CNBD1: variants seen among roughly 807,000 people sequenced by gnomAD.
The protein encoded by CNBD1 is cyclic nucleotide binding domain containing 1, also known as cyclic nucleotide-binding domain-containing protein 1.
CNBD1 carries 71 observed loss-of-function variants against 54.4 expected under a neutral mutation model. The observed-to-expected ratio is 1.30, with a 90% CI of 1.08 to 1.59. The LOEUF (loss-of-function observed/expected upper bound fraction) is 1.59, where lower values mean the gene tolerates loss of function less well. CNBD1 is among the 40% of genes most tolerant of loss of function. The pLI is 0.00. For synonymous variants in CNBD1, 182 were observed against 170.7 expected, an observed-to-expected ratio of 1.07 and a Z score of -0.51; for missense variants, 659 against 518.0, an observed-to-expected ratio of 1.27 and a Z score of -2.64.
chr8:86,875,369 C>T (rs147922371), intron 1 of CNBD1, among the ~76,000 whole-genome samples: 395 of 152,214 alleles, frequency 2.6e-3, no homozygotes, highest in African/African-American at 8.7e-3. Flanking sequence ...TTCACCCTAC[C>T]TACTCCTGGT....
At chr8:87,126,935 T>C (rs1214819715) in intron 4 of CNBD1, among the ~76,000 whole-genome samples, 1 of 151,796 alleles carries the variant, frequency 6.6e-6, no homozygotes, top group East Asian at 2.0e-4. Flanking sequence ...TTGTAGAAAA[T>C]TTGTTCATAA....
At chr8:87,119,494 T>A (rs1311038656) in intron 4 of CNBD1, among the ~76,000 whole-genome samples, 1 of 152,070 alleles carries the variant, frequency 6.6e-6, no homozygotes. Flanking sequence ...AGTCTTTGGA[T>A]TTTTGTAGAT....
intron 4 of CNBD1, among the ~76,000 whole-genome samples, chr8:87,076,901 A>G (rs975183471): frequency 6.6e-6 from 1 of 152,246 alleles, no homozygotes; most frequent in Non-Finnish European, 1.5e-5. Context: ...GACTTATCCA[A>G]GACTGTCTTG....
intron 8 of CNBD1, among the ~76,000 whole-genome samples, chr8:87,328,553 C>T (rs1809743101): frequency 6.6e-6 from 1 of 151,590 alleles, no homozygotes; most frequent in African/African-American, 2.4e-5. Context: ...ATGAGGACTT[C>T]TTCTTTTTTA....
chr8:87,137,337 C>T (rs987647897), intron 4 of CNBD1, among the ~76,000 whole-genome samples: 2 of 151,064 alleles, frequency 1.3e-5, no homozygotes, highest in Non-Finnish European at 1.5e-5. Flanking sequence ...GCTGGGACTA[C>T]AGGCGCCAGC....
chr8:87,175,491 C>A (rs186720810), intron 4 of CNBD1, among the ~76,000 whole-genome samples: 8 of 152,162 alleles, frequency 5.3e-5, no homozygotes, highest in Non-Finnish European at 1.2e-4. Context: ...TCACTCCCTT[C>A]GAGGCAAGAA....
intron 4 of CNBD1, among the ~76,000 whole-genome samples, chr8:87,148,308 G>A (rs1011635041): frequency 2.0e-5 from 3 of 152,156 alleles, no homozygotes; most frequent in Non-Finnish European, 1.5e-5. Context: ...TTGCCTTAGA[G>A]ATGGCGTGAT....
chr8:87,059,529 C>G (rs562600584), intron 4 of CNBD1, among the ~76,000 whole-genome samples: 2 of 152,178 alleles, frequency 1.3e-5, no homozygotes, highest in Non-Finnish European at 2.9e-5. Context: ...CCTCAGGAAA[C>G]TTAAAATCAT....
intron 4 of CNBD1, among the ~76,000 whole-genome samples, chr8:87,015,210 G>A (rs921607174): frequency 2.0e-5 from 3 of 152,114 alleles, no homozygotes; most frequent in Non-Finnish European, 4.4e-5. Flanking sequence ...GAGTCTTGCT[G>A]TGTTGCCCAG....
intron 5 of CNBD1, among the ~76,000 whole-genome samples, chr8:87,230,400 A>T (rs1814654028): frequency 6.6e-6 from 1 of 152,190 alleles, no homozygotes; most frequent in Non-Finnish European, 1.5e-5. Flanking sequence ...ATTTGTAGGT[A>T]TATATTTATC....
intron 6 of CNBD1, among the ~76,000 whole-genome samples, chr8:87,253,159 C>A (rs1807943408): frequency 6.6e-6 from 1 of 152,142 alleles, no homozygotes; most frequent in Admixed American, 6.5e-5. Flanking sequence ...TGAATATATT[C>A]TCTTTTTCCC....
At chr8:87,202,581 C>A (rs1450605995) in intron 4 of CNBD1, among the ~76,000 whole-genome samples, 1 of 152,140 alleles carries the variant, frequency 6.6e-6, no homozygotes, top group Non-Finnish European at 1.5e-5. Context: ...TGAGCGTATG[C>A]ACCAATTACG....
At chr8:87,044,862 T>G (rs1394569530) in intron 4 of CNBD1, among the ~76,000 whole-genome samples, 2 of 152,198 alleles carry the variant, frequency 1.3e-5, no homozygotes, top group Non-Finnish European at 2.9e-5. Flanking sequence ...CCTGGCCTAC[T>G]TATCTGTACA....
At chr8:87,120,091 T>TA (rs967060822) in intron 4 of CNBD1, among the ~76,000 whole-genome samples, 32 of 152,264 alleles carry the variant, frequency 2.1e-4, no homozygotes, top group African/African-American at 7.0e-4. Context: ...GCTGGCCTCA[T>TA]AAAATGAGTT....
intron 4 of CNBD1, among the ~76,000 whole-genome samples, chr8:87,126,276 CTT>C (rs564609001): frequency 2.0e-5 from 3 of 151,984 alleles, no homozygotes; most frequent in Non-Finnish European, 4.4e-5. Context: ...GGTTGTACCA[CTT>C]TACATTCCAG....
At chr8:87,146,759 T>G (rs533495199) in intron 4 of CNBD1, among the ~76,000 whole-genome samples, 1 of 152,286 alleles carries the variant, frequency 6.6e-6, no homozygotes, top group Non-Finnish European at 1.5e-5. Flanking sequence ...TCCATCTTAT[T>G]ATGACTACCT....
chr8:87,119,440 A>T (rs946242744), intron 4 of CNBD1, among the ~76,000 whole-genome samples: 1 of 151,976 alleles, frequency 6.6e-6, no homozygotes, highest in African/African-American at 2.4e-5. Context: ...GTATACTGCA[A>T]CTTTACTCAC....
chr8:87,165,570 C>G (rs1483747443), intron 4 of CNBD1, among the ~76,000 whole-genome samples: 1 of 151,902 alleles, frequency 6.6e-6, no homozygotes, highest in Non-Finnish European at 1.5e-5. Flanking sequence ...GCGCAGCCAC[C>G]CTTGCTTTCT....
chr8:87,280,299 A>G (rs907180020), intron 6 of CNBD1, among the ~76,000 whole-genome samples: 25 of 151,756 alleles, frequency 1.6e-4, no homozygotes, highest in African/African-American at 5.1e-4. Flanking sequence ...ATTTTTTTCA[A>G]TCTGGAGCAG....
Sources: allele counts gnomAD v4.1 joint callset (sites outside exome capture counted in the v4.1 genomes callset), GRCh38; gene constraint gnomAD v4.1.1; transcripts MANE v1.5; gene names NCBI Gene and HGNC (gene_info 2026-07-23, HGNC 2026-07-21).